Variants in KCNMA1 observed in about 807,000 individuals in gnomAD.
KCNMA1 encodes the protein potassium calcium-activated channel subfamily M alpha 1.
In KCNMA1, 29 loss-of-function variants were observed where a neutral mutation model predicts 140.0. The ratio of observed to expected loss-of-function variants is 0.21; its 90% CI spans 0.15 to 0.28. KCNMA1 has a LOEUF of 0.28. Ranked by LOEUF, KCNMA1 falls within the 10% of genes least tolerant of loss-of-function variation. The probability of loss-of-function intolerance (pLI) is 1.00; values close to 1 mark genes in which losing one functional copy is unlikely to be tolerated. For missense variants in KCNMA1, 880 were observed against 1,602.2 expected (o/e 0.55, Z 7.70); for synonymous variants, 612 against 611.9 (o/e 1.00, Z 0.00).
chr10:77,241,679 G>A (rs919043386), intron 3 of KCNMA1, among the ~76,000 whole-genome samples: 1 of 152,040 alleles, frequency 6.6e-6, no homozygotes, highest in Non-Finnish European at 1.5e-5. Context: ...CAGCCATGGT[G>A]GTGCATTCCT....
At chr10:77,632,532 T>G (rs2093328535) in intron 1 of KCNMA1, among the ~76,000 whole-genome samples, 1 of 152,294 alleles carries the variant, frequency 6.6e-6, no homozygotes, top group Non-Finnish European at 1.5e-5. Context: ...GTAACCATCC[T>G]GCCAGGACCC....
intron 5 of KCNMA1, among the ~76,000 whole-genome samples, chr10:77,135,172 A>T (rs2097978857): frequency 6.6e-6 from 1 of 152,120 alleles, no homozygotes; most frequent in African/African-American, 2.4e-5. Flanking sequence ...CCAATTAAGA[A>T]ATGGGCAAAG....
At chr10:77,318,414 A>G (rs925698822) in intron 2 of KCNMA1, among the ~76,000 whole-genome samples, 5 of 152,148 alleles carry the variant, frequency 3.3e-5, no homozygotes, top group Non-Finnish European at 5.9e-5. Flanking sequence ...TCATGCCGCC[A>G]TGGACTGTGC....
At chr10:77,286,936 C>T (rs2071182532) in intron 2 of KCNMA1, among the ~76,000 whole-genome samples, 1 of 152,172 alleles carries the variant, frequency 6.6e-6, no homozygotes, top group Non-Finnish European at 1.5e-5. Flanking sequence ...CTCTAAAACA[C>T]CCTAAGTGGA....
intron 1 of KCNMA1, among the ~76,000 whole-genome samples, chr10:77,489,234 A>G (rs2098502662): frequency 1.3e-5 from 2 of 152,262 alleles, no homozygotes; most frequent in African/African-American, 4.8e-5. Flanking sequence ...TGCATAGGGC[A>G]TACTTAAACT....
At chr10:77,274,044 T>C (rs1200420905) in intron 2 of KCNMA1, among the ~76,000 whole-genome samples, 1 of 152,178 alleles carries the variant, frequency 6.6e-6, no homozygotes, top group South Asian at 2.1e-4. Context: ...TGGCTAGCAT[T>C]CCTCTTAGCT....
At chr10:77,288,339 T>C (rs931986956) in intron 2 of KCNMA1, among the ~76,000 whole-genome samples, 1 of 152,354 alleles carries the variant, frequency 6.6e-6, no homozygotes, top group South Asian at 2.1e-4. Context: ...CTAGTTCTGG[T>C]TCTGCCTGTG....
At chr10:77,636,218 T>A in intron 1 of KCNMA1, 1 of 1,429,302 alleles carries the variant, frequency 7.0e-7, no homozygotes, top group African/African-American at 1.4e-5. Context: ...GTTCTTTCTT[T>A]TTTATTCTGC....
Position 77,366,491 on chromosome 10 carries a change from A to G in KCNMA1, c.540+37371T>C, listed in dbSNP as rs151001940. Among the ~76,000 whole-genome samples the G allele has an allele frequency of 1.7e-3, 257 of 152,222 alleles. 2 individuals carry two copies. The highest frequency in any genetic ancestry group is 6.0e-3 in the African/African-American group (250 of 41,548). On this transcript the variant is annotated intron_variant, in intron 2 of 27. Coordinates refer to ENST00000286628, the MANE Select transcript of KCNMA1 (RefSeq NM_001161352.2). Reference sequence around the variant, plus strand: ...GCCACATGTGCTTTTTAACATTTTTATTATTTCATTTTTGGAGTCATTATT... The same window carrying G: ...GCCACATGTGCTTTTTAACATTTTTGTTATTTCATTTTTGGAGTCATTATT...
rs554550794 is a variant in KCNMA1 at position 77,604,933 on chromosome 10, G to A, written c.378+32332C>T. ...CAGCTTGGGCCACCCACCATATGCC[G>A]CTGCAGCCCATAAAGACTCTGGAAC... On this transcript the variant is annotated intron_variant, in intron 1 of 27. Coordinates refer to ENST00000286628, the MANE Select transcript of KCNMA1 (RefSeq NM_001161352.2). Among the ~76,000 whole-genome samples the A allele has an allele frequency of 5.5e-5, 8 of 145,544 alleles. 1 individual carries two copies. The highest frequency in any genetic ancestry group is 3.5e-3 in the Middle Eastern group (1 of 288).
chr10:77,503,069 T>C (rs114492225), intron 1 of KCNMA1, among the ~76,000 whole-genome samples: 3 of 152,036 alleles, frequency 2.0e-5, no homozygotes, highest in Admixed American at 6.6e-5. Context: ...CTAGGCAACA[T>C]AGCTAGATCC....
intron 23 of KCNMA1, among the ~76,000 whole-genome samples, chr10:76,937,686 C>T (rs1213388817): frequency 6.6e-6 from 1 of 152,204 alleles, no homozygotes; most frequent in Non-Finnish European, 1.5e-5. Context: ...TAAAAGACAT[C>T]TCAGACTTTA....
intron 2 of KCNMA1, among the ~76,000 whole-genome samples, chr10:77,271,216 C>T (rs1255170950): frequency 6.6e-6 from 1 of 152,188 alleles, no homozygotes; most frequent in East Asian, 1.9e-4. Context: ...AACTCAGTTC[C>T]TCAGTTGCAC....
intron 1 of KCNMA1, among the ~76,000 whole-genome samples, chr10:77,612,818 T>C (rs2087492734): frequency 6.6e-6 from 1 of 152,050 alleles, no homozygotes; most frequent in South Asian, 2.1e-4. Context: ...CACACCTCCT[T>C]GCCCCAAAAC....
rs983407203 is a variant in KCNMA1 at position 77,028,485 on chromosome 10, T to A, written c.1860-594A>T. On this transcript the variant is annotated intron_variant, in intron 15 of 27. Transcript: ENST00000286628. ...TGCTTTGAGGCTGGCTTGTTCCTGT[T>A]TCCATCCCTTCCCTTGTGCGTTCCC... is the stretch of plus-strand genomic sequence containing the variant. 2.0e-5 allele frequency among the ~76,000 whole-genome samples: 3 copies of A among 152,066 alleles called. No homozygotes were observed. The South Asian group carries it at 6.2e-4, about 32-fold the overall frequency.
At chr10:77,611,434 G>A (rs552334372) in intron 1 of KCNMA1, among the ~76,000 whole-genome samples, 7 of 152,286 alleles carry the variant, frequency 4.6e-5, no homozygotes, top group East Asian at 3.9e-4. Context: ...TGGAGACATC[G>A]TTGAGCCACC....
At chr10:77,452,492 A>G (rs1019414583) in intron 1 of KCNMA1, among the ~76,000 whole-genome samples, 3 of 152,224 alleles carry the variant, frequency 2.0e-5, no homozygotes, top group Admixed American at 6.5e-5. Context: ...TTTATTTATA[A>G]TTGACAAGGT....
At chr10:77,459,007 G>C (rs1603624769) in intron 1 of KCNMA1, among the ~76,000 whole-genome samples, 1 of 152,190 alleles carries the variant, frequency 6.6e-6, no homozygotes, top group Admixed American at 6.5e-5. Context: ...TGTCATCTGA[G>C]GGGTAGAATC....
intron 1 of KCNMA1, among the ~76,000 whole-genome samples, chr10:77,502,065 G>T (rs2044114947): frequency 6.6e-6 from 1 of 152,130 alleles, no homozygotes; most frequent in African/African-American, 2.4e-5. Context: ...GGACAGAGAG[G>T]CCCTAAGGCA....
Sources: gnomAD v4.1 joint callset for allele counts (sites outside exome capture counted in the v4.1 genomes callset) on GRCh38, gnomAD v4.1.1 for gene constraint, MANE v1.5 for transcripts, NCBI Gene and HGNC (gene_info 2026-07-23, HGNC 2026-07-21) for gene names.